The following CPXM2 variants were observed in gnomAD, a reference collection of about 807,000 sequenced individuals.
CPXM2 encodes inactive carboxypeptidase-like protein X2.
In CPXM2, 66 loss-of-function variants were observed where a neutral mutation model predicts 86.1. The ratio of observed to expected loss-of-function variants is 0.77; its 90% CI spans 0.63 to 0.94. The LOEUF is 0.94. CPXM2 is among the 40% of genes least tolerant of loss of function. The probability of loss-of-function intolerance (pLI) is 0.00; values close to 1 mark genes in which losing one functional copy is unlikely to be tolerated. For synonymous variants in CPXM2, 388 were observed against 400.2 expected, an observed-to-expected ratio of 0.97 and a Z score of 0.36; for missense variants, 948 against 1,026.3, an observed-to-expected ratio of 0.92 and a Z score of 1.04.
chr10:123,890,330 A>T (rs1291370292), intron 1 of CPXM2, among the ~76,000 whole-genome samples: 1 of 152,196 alleles, frequency 6.6e-6, no homozygotes, highest in African/African-American at 2.4e-5. Flanking sequence ...GCCTCTGCAA[A>T]GGGGGGTGCT....
Position 123,771,058 on chromosome 10 carries a change from CAA to C in CPXM2, c.979-21_979-20del, listed in dbSNP as rs769313946. The C allele has an allele frequency of 6.2e-7, 1 of 1,609,784 alleles. No homozygotes were observed. Among genetic ancestry groups the C allele is most frequent in the South Asian group, 1.1e-5 (1 of 90,342 alleles). ...TCATCAACTGAAAAACAAGGTGAAT[CAA>C]AAACTCTAAGCATTGATGACGATGC... On this transcript the variant is annotated intron_variant, in intron 7 of 13. Transcript: ENST00000241305.
At chr10:123,937,274 C>G (rs376703069) in intron 2 of CPXM2, among the ~76,000 whole-genome samples, 75 of 152,276 alleles carry the variant, frequency 4.9e-4, no homozygotes, top group African/African-American at 1.8e-3. Context: ...TACAATTCCC[C>G]TTGAAGCTTC....
intron 2 of CPXM2, among the ~76,000 whole-genome samples, chr10:123,909,660 C>T (rs1228284072): frequency 6.6e-6 from 1 of 152,192 alleles, no homozygotes; most frequent in East Asian, 1.9e-4. Flanking sequence ...ACAGTCAGCC[C>T]TCAATGACTC....
intron 2 of CPXM2, 66 bp downstream of exon 2, chr10:123,880,145 T>TGGGGCCC: frequency 2.5e-6 from 1 of 407,580 alleles, no homozygotes. Context: ...CAGGGGCCTG[T>TGGGGCCC]ACCCACCCAC....
intron 4 of CPXM2, among the ~76,000 whole-genome samples, chr10:123,816,386 C>T (rs189212597): frequency 5.3e-5 from 8 of 152,160 alleles, no homozygotes; most frequent in Non-Finnish European, 1.5e-5. Flanking sequence ...TTTAGAGCTG[C>T]CTCTACCTAG....
At chr10:123,927,758 G>A (rs1265072661) in intron 2 of CPXM2, among the ~76,000 whole-genome samples, 3 of 152,194 alleles carry the variant, frequency 2.0e-5, no homozygotes, top group Non-Finnish European at 2.9e-5. Context: ...ACCAGGCTTT[G>A]TTACCCCCAG....
intron 4 of CPXM2, among the ~76,000 whole-genome samples, chr10:123,830,872 C>CTCTCTGTGTGTGTGTGTGTGTGTGTG (rs1258897184): frequency 2.1e-5 from 3 of 142,716 alleles, no homozygotes; most frequent in African/African-American, 7.9e-5. Flanking sequence ...CTCTCTCTCT[C>CTCTCTGTGTGTGTGTGTGTGTGTGTG]TGTGTGTGTG....
intron 3 of CPXM2, among the ~76,000 whole-genome samples, chr10:123,855,784 G>A (rs2134182377): frequency 6.6e-6 from 1 of 152,324 alleles, no homozygotes; most frequent in African/African-American, 2.4e-5. Flanking sequence ...CTAGATTCTA[G>A]TACTGGCATC....
chr10:123,868,282 T>A (rs1381610562), intron 2 of CPXM2, among the ~76,000 whole-genome samples: 1 of 152,166 alleles, frequency 6.6e-6, no homozygotes, highest in Non-Finnish European at 1.5e-5. Flanking sequence ...GGCTGCACCC[T>A]GGTCTTTGGA....
intron 6 of CPXM2, among the ~76,000 whole-genome samples, chr10:123,784,055 G>T (rs1221889142): frequency 6.6e-6 from 1 of 152,142 alleles, no homozygotes; most frequent in Non-Finnish European, 1.5e-5. Context: ...AAGCTATGTT[G>T]GAGTCCTCAC....
chr10:123,794,736 T>C (rs1391307251), intron 6 of CPXM2, among the ~76,000 whole-genome samples: 10 of 109,232 alleles, frequency 9.2e-5, no homozygotes, highest in African/African-American at 2.9e-4. Context: ...TTTAAGACCG[T>C]GTGTGTGTGT....
At chr10:123,826,878 T>C (rs1848059003) in intron 4 of CPXM2, among the ~76,000 whole-genome samples, 1 of 152,060 alleles carries the variant, frequency 6.6e-6, no homozygotes, top group Admixed American at 6.5e-5. Flanking sequence ...TAAACAGTTA[T>C]GAATATCTAT....
rs369032778 is a variant in CPXM2 at position 123,914,859 on chromosome 10, G to A, written n.174+24618C>T. On this transcript the variant is annotated intron_variant and non_coding_transcript_variant, in intron 2 of 19. Transcript: ENST00000368854. ...CCCTGACAACCTGGATTTGATTAAC[G>A]GCCTCCTAACTAGTCCCCATATTCC... Among the ~76,000 whole-genome samples, 19 of 152,062 alleles carry A rather than the reference G, an allele frequency of 1.2e-4. No individual in the cohort carries two copies. In the East Asian group the frequency reaches 3.1e-3, roughly 25 times the overall value.
intron 2 of CPXM2, among the ~76,000 whole-genome samples, chr10:123,926,593 C>CA (rs1479559458): frequency 3.9e-5 from 6 of 152,234 alleles, no homozygotes; most frequent in African/African-American, 1.2e-4. Flanking sequence ...GCTGACCACG[C>CA]AAAACGGTTT....
chr10:123,895,105 T>C (rs532433647), upstream of CPXM2, among the ~76,000 whole-genome samples: 1 of 115,392 alleles, frequency 8.7e-6, no homozygotes, highest in South Asian at 3.2e-4. Context: ...CAGATTCTTT[T>C]TTTTTTCTTT....
chr10:123,912,953 C>T (rs1377623152), intron 2 of CPXM2, among the ~76,000 whole-genome samples: 7 of 152,302 alleles, frequency 4.6e-5, no homozygotes, highest in Admixed American at 2.6e-4. Context: ...CCAGACTCCT[C>T]CAAAGCTCAT....
intron 11 of CPXM2, among the ~76,000 whole-genome samples, chr10:123,760,403 C>T (rs1258869244): frequency 6.6e-6 from 1 of 151,946 alleles, no homozygotes; most frequent in Non-Finnish European, 1.5e-5. Flanking sequence ...AAGATAAAAC[C>T]ATGATGGATT....
At chr10:123,938,288 C>A (rs1247740550) in intron 2 of CPXM2, among the ~76,000 whole-genome samples, 2 of 152,208 alleles carry the variant, frequency 1.3e-5, no homozygotes, top group Non-Finnish European at 2.9e-5. Flanking sequence ...TGGGATCACA[C>A]TGAGTAGCAA....
chr10:123,847,080 C>T (rs1848509543), intron 3 of CPXM2, among the ~76,000 whole-genome samples: 1 of 151,908 alleles, frequency 6.6e-6, no homozygotes, highest in Non-Finnish European at 1.5e-5. Flanking sequence ...CAGATTTACC[C>T]AAAAATTGAG....
Sources: gnomAD v4.1 joint callset for allele counts (sites outside exome capture counted in the v4.1 genomes callset) on GRCh38, gnomAD v4.1.1 for gene constraint, MANE v1.5 for transcripts, NCBI Gene and HGNC (gene_info 2026-07-23, HGNC 2026-07-21) for gene names.